RBFOX1: variants seen among roughly 807,000 people sequenced by gnomAD.
The protein encoded by RBFOX1 is RNA binding fox-1 homolog 1.
In RBFOX1, 8 loss-of-function variants were observed where a neutral mutation model predicts 57.7. The observed-to-expected ratio is 0.14, with a 90% confidence interval of 0.08 to 0.25. RBFOX1 has a LOEUF of 0.25. Ranked by LOEUF, RBFOX1 falls within the 10% of genes least tolerant of loss-of-function variation. The pLI is 1.00. For synonymous variants in RBFOX1, 326 were observed against 222.4 expected (o/e 1.47, Z -4.15); for missense variants, 611 against 548.5 (o/e 1.11, Z -1.14).
chr16:7,290,480 C>T (rs1039171486), intron 4 of RBFOX1, among the ~76,000 whole-genome samples: 2 of 152,192 alleles, frequency 1.3e-5, no homozygotes, highest in Non-Finnish European at 2.9e-5. Flanking sequence ...CCAAGGCCAG[C>T]ACCATGCTTC....
intron 4 of RBFOX1, among the ~76,000 whole-genome samples, chr16:7,502,495 A>G (rs540588546): frequency 6.6e-6 from 1 of 152,286 alleles, no homozygotes; most frequent in Admixed American, 6.5e-5. Flanking sequence ...GGTTGTTTAG[A>G]CTATGTTTAC....
At chr16:6,542,591 G>T (rs963702543) in intron 2 of RBFOX1, among the ~76,000 whole-genome samples, 36 of 143,048 alleles carry the variant, frequency 2.5e-4, no homozygotes, top group African/African-American at 9.1e-4. Flanking sequence ...CTGGGTTCAC[G>T]CCATTCTCCT....
intron 3 of RBFOX1, among the ~76,000 whole-genome samples, chr16:6,737,316 G>C (rs1270595313): frequency 6.6e-6 from 1 of 152,088 alleles, no homozygotes; most frequent in Non-Finnish European, 1.5e-5. Context: ...GTTATTTATA[G>C]ATTTCTTGTT....
At chr16:5,736,784 T>A (rs905947886) in intron 3 of RBFOX1, among the ~76,000 whole-genome samples, 1 of 151,914 alleles carries the variant, frequency 6.6e-6, no homozygotes, top group Non-Finnish European at 1.5e-5. Flanking sequence ...CATCTGTTTA[T>A]GTGTCTGTGA....
At chr16:7,535,672 A>G (rs772438512) in intron 5 of RBFOX1, among the ~76,000 whole-genome samples, 4 of 152,120 alleles carry the variant, frequency 2.6e-5, no homozygotes, top group Non-Finnish European at 4.4e-5. Context: ...TTGAAAATCC[A>G]CCCTTAGTTT....
intron 2 of RBFOX1, among the ~76,000 whole-genome samples, chr16:6,568,610 C>T (rs1448951162): frequency 6.6e-6 from 1 of 152,046 alleles, no homozygotes; most frequent in Non-Finnish European, 1.5e-5. Context: ...ATCTCAGGGC[C>T]ATCTTGGGGG....
chr16:7,082,695 T>A (rs1318226901), intron 4 of RBFOX1, among the ~76,000 whole-genome samples: 1 of 152,232 alleles, frequency 6.6e-6, no homozygotes, highest in African/African-American at 2.4e-5. Context: ...CTTTCTTTCA[T>A]AAAGTTTAAA....
chr16:5,338,228 T>G (rs1022342224), intron 1 of RBFOX1, among the ~76,000 whole-genome samples: 13 of 152,088 alleles, frequency 8.5e-5, no homozygotes, highest in African/African-American at 2.4e-4. Flanking sequence ...GGGAGCCACG[T>G]TTTTATTCCA....
chr16:6,108,899 C>G (rs148487527), intron 1 of RBFOX1, among the ~76,000 whole-genome samples: 2 of 152,222 alleles, frequency 1.3e-5, no homozygotes, highest in African/African-American at 4.8e-5. Context: ...ATATTTCGGA[C>G]CCACCTAGAT....
At chr16:5,940,011 G>A (rs548195277) in intron 4 of RBFOX1, among the ~76,000 whole-genome samples, 1 of 152,188 alleles carries the variant, frequency 6.6e-6, no homozygotes, top group Non-Finnish European at 1.5e-5. Context: ...GTAAAATGGG[G>A]CAGATGCCAT....
At chr16:7,390,582 G>T (rs566048089) in intron 4 of RBFOX1, among the ~76,000 whole-genome samples, 1 of 152,186 alleles carries the variant, frequency 6.6e-6, no homozygotes, top group African/African-American at 2.4e-5. Flanking sequence ...GATTATGCAA[G>T]TATAAGGTGC....
chr16:6,197,320 C>T (rs769889133), intron 1 of RBFOX1, among the ~76,000 whole-genome samples: 52 of 152,102 alleles, frequency 3.4e-4, no homozygotes, highest in Middle Eastern at 3.4e-3. Flanking sequence ...CCGTATCTCC[C>T]ACTGACCCCT....
intron 1 of RBFOX1, among the ~76,000 whole-genome samples, chr16:5,277,735 G>A (rs978804898): frequency 3.9e-4 from 60 of 152,192 alleles, no homozygotes; most frequent in African/African-American, 1.1e-3. Flanking sequence ...GCTCATATAA[G>A]TGAGAACATG....
intron 2 of RBFOX1, among the ~76,000 whole-genome samples, chr16:5,504,559 G>C (rs1304286408): frequency 2.0e-5 from 3 of 152,226 alleles, no homozygotes; most frequent in African/African-American, 4.8e-5. Flanking sequence ...CGCGCCTGGT[G>C]GGTTGGATTG....
chr16:5,807,773 T>A (rs553620879), intron 3 of RBFOX1, among the ~76,000 whole-genome samples: 1 of 152,214 alleles, frequency 6.6e-6, no homozygotes, highest in East Asian at 1.9e-4. Context: ...CAATGCAGGC[T>A]CTTGTTTACT....
intron 3 of RBFOX1, chr16:6,774,090 T>G (rs1357896497): frequency 1.9e-5 from 15 of 809,270 alleles, no homozygotes; most frequent in Non-Finnish European, 2.2e-5. Context: ...AGCTTTAAAT[T>G]ACCAAGAATT....
At chr16:7,566,886 T>TC (rs899144566) in intron 5 of RBFOX1, among the ~76,000 whole-genome samples, 3 of 151,890 alleles carry the variant, frequency 2.0e-5, no homozygotes, top group Non-Finnish European at 2.9e-5. Context: ...ATGTGTATTT[T>TC]CCCCCCAAAA....
At chr16:5,867,805 G>T (rs763551213) in intron 4 of RBFOX1, among the ~76,000 whole-genome samples, 63 of 151,944 alleles carry the variant, frequency 4.1e-4, no homozygotes, top group Non-Finnish European at 7.9e-4. Flanking sequence ...TCCGCCTCCC[G>T]GGTTCAAGTG....
chr16:7,193,954 C>CT lies in RBFOX1; in HGVS notation c.27+141868dup, dbSNP rs34745623. Among the ~76,000 whole-genome samples the CT allele has an allele frequency of 6.5e-3, 945 of 145,962 alleles. 3 individuals carry two copies. Among genetic ancestry groups the CT allele is most frequent in the African/African-American group, 0.019 (763 of 40,106 alleles). On this transcript the variant is annotated intron_variant, in intron 4 of 15. Coordinates refer to ENST00000550418, the MANE Select transcript of RBFOX1 (RefSeq NM_018723.4). ...TATAGTAGCATCTATCTCTAGCTAT[C>CT]TTTTTTTTTTTTAAGGATTGGCTAA...
Sources: gnomAD v4.1 joint callset for allele counts (sites outside exome capture counted in the v4.1 genomes callset) on GRCh38, gnomAD v4.1.1 for gene constraint, MANE v1.5 for transcripts, NCBI Gene and HGNC (gene_info 2026-07-23, HGNC 2026-07-21) for gene names.